ANKRD42: variants seen among roughly 807,000 people sequenced by gnomAD.
The protein encoded by ANKRD42 is ankyrin repeat domain-containing protein 42.
In ANKRD42, 43 loss-of-function variants were observed where a neutral mutation model predicts 51.5. The ratio of observed to expected loss-of-function variants is 0.83; its 90% CI spans 0.65 to 1.08. The LOEUF (loss-of-function observed/expected upper bound fraction) is 1.08. Among genes scored for constraint, ANKRD42 ranks in the 50% least tolerant of loss-of-function variants. The pLI is 0.00. For synonymous variants in ANKRD42, 203 were observed against 213.0 expected (o/e 0.95, Z 0.41); for missense variants, 608 against 629.3 (o/e 0.97, Z 0.36).
At chr11:83,213,205 G>A in intron 5 of ANKRD42, 1 of 1,600,282 alleles carries the variant, frequency 6.2e-7, no homozygotes, top group African/African-American at 1.3e-5. Flanking sequence ...AAAAAACAAA[G>A]CACATGCTGC....
At chr11:83,216,975 A>G (rs557800764) in intron 5 of ANKRD42, among the ~76,000 whole-genome samples, 5 of 142,024 alleles carry the variant, frequency 3.5e-5, no homozygotes, top group African/African-American at 5.1e-5. Flanking sequence ...GGTGTCCTCC[A>G]GAGGGGATCT....
intron 3 of ANKRD42, chr11:83,210,021 A>G: frequency 2.8e-6 from 1 of 357,352 alleles, no homozygotes; most frequent in South Asian, 4.2e-5. Flanking sequence ...TTGAGAATTT[A>G]TGTTTCAGTG....
intron 4 of ANKRD42, 59 bp downstream of exon 4, chr11:83,210,478 G>A: frequency 6.3e-7 from 1 of 1,579,492 alleles, no homozygotes; most frequent in Non-Finnish European, 8.6e-7. Context: ...ATAGCATTTG[G>A]TAGTCTAGTT....
At chr11:83,212,633 C>A (rs1254142352) in intron 5 of ANKRD42, 12 of 1,520,908 alleles carry the variant, frequency 7.9e-6, no homozygotes, top group Non-Finnish European at 8.8e-6. Context: ...CAGGCCTGAT[C>A]AAATCACTTT....
chr11:83,197,205 T>C (rs1407209728), intron 1 of ANKRD42, among the ~76,000 whole-genome samples: 1 of 152,246 alleles, frequency 6.6e-6, no homozygotes, highest in Admixed American at 6.5e-5. Flanking sequence ...ACTTGTTTTG[T>C]TTCTCCTTAA....
chr11:83,209,357 AG>A (rs1862212389), intron 3 of ANKRD42: 1 of 1,428,780 alleles, frequency 7.0e-7, no homozygotes, highest in South Asian at 1.2e-5. Context: ...AGTTGCTTGG[AG>A]GTTGGCAGCG....
intron 1 of ANKRD42, among the ~76,000 whole-genome samples, chr11:83,195,908 G>A (rs1231189784): frequency 1.3e-5 from 2 of 149,438 alleles, no homozygotes; most frequent in African/African-American, 5.0e-5. Context: ...GCAGTGGCGC[G>A]GTCCTCAGCT....
chr11:83,244,873 G>C (rs1389562262), intron 9 of ANKRD42, among the ~76,000 whole-genome samples: 2 of 151,886 alleles, frequency 1.3e-5, no homozygotes, highest in African/African-American at 4.8e-5. Flanking sequence ...ATTGCACGTG[G>C]TCCTGTAATC....
downstream of ANKRD42, chr11:83,260,541 G>C (rs1362147564): frequency 6.6e-6 from 1 of 152,142 alleles, no homozygotes; most frequent in Non-Finnish European, 1.5e-5. Flanking sequence ...TAGTTGGAAA[G>C]CCTGACTCTC....
intron 9 of ANKRD42, 142 bp downstream of exon 9, chr11:83,241,076 A>T: frequency 1.0e-6 from 1 of 970,234 alleles, no homozygotes; most frequent in Non-Finnish European, 1.5e-6. Context: ...TAGAACTAAT[A>T]TAAGTTTTTG....
chr11:83,246,501 C>A (rs775744420), intron 10 of ANKRD42, among the ~76,000 whole-genome samples: 158 of 152,226 alleles, frequency 1.0e-3, no homozygotes, highest in Non-Finnish European at 1.9e-3. Context: ...CTTCTTTCAT[C>A]CTACTGTCTC....
intron 7 of ANKRD42, among the ~76,000 whole-genome samples, chr11:83,235,101 G>T (rs1013549673): frequency 3.3e-5 from 5 of 152,206 alleles, no homozygotes; most frequent in African/African-American, 1.2e-4. Flanking sequence ...TGTACTGTGA[G>T]CCAGAATGAG....
chr11:83,194,560 G>T lies in ANKRD42; in HGVS notation c.-111G>T. ...CCTTGGGCCCCGTCCTAGTGACGAC[G>T]GAGAAGAGGGCCGCTGCCGCTGCAG... On this transcript the variant is annotated 5_prime_UTR_variant, in exon 1 of 11. Coordinates refer to ENST00000533342, the MANE Select transcript of ANKRD42 (RefSeq NM_001300975.2). 1 of 1,066,446 alleles carries T rather than the reference G, an allele frequency of 9.4e-7. No homozygotes were observed. Among genetic ancestry groups the T allele is most frequent in the South Asian group, 1.3e-5 (1 of 77,838 alleles). 66.1% of individuals were successfully genotyped at this position (1,066,446 alleles called of 1,614,324 possible). A position where few individuals can be genotyped will look rare whatever the true frequency, so the allele number is the denominator to read the frequency against.
chr11:83,224,925 G>A lies in ANKRD42; in HGVS notation c.657G>A (p.Thr219=), dbSNP rs145591736. The A allele has an allele frequency of 2.1e-5, 34 of 1,612,978 alleles. No homozygotes were observed. Among genetic ancestry groups the A allele is most frequent in the South Asian group, 1.2e-4 (11 of 90,934 alleles). Residue 219 remains threonine, a synonymous_variant, in exon 6 of 11, where the codon ACG becomes ACA. Coordinates refer to ENST00000533342, the MANE Select transcript of ANKRD42 (RefSeq NM_001300975.2). ...KFLVSRMSSA[T]QVLKAFNDNG... ...TAGTCAGTAGAATGAGCAGTGCGAC[G>A]CAAGTTTTAAAAGCTTTCAATGATA...
At chr11:83,263,287 A>G (rs1235628712), downstream of ANKRD42, among the ~76,000 whole-genome samples, 1 of 152,156 alleles carries the variant, frequency 6.6e-6, no homozygotes, top group Non-Finnish European at 1.5e-5. Flanking sequence ...AGTATACTCT[A>G]CTTCAGTAGA....
In ANKRD42 at chr11:83,248,296, TACACACACACACACACACACAC is replaced by T; in HGVS notation, c.*111_*132del. 1.4e-5 allele frequency: 18 copies of T among 1,299,846 alleles called. No homozygotes were observed. In the East Asian group the frequency reaches 4.2e-4, roughly 31 times the overall value. The allele number at this position is 1,299,846 out of a possible 1,614,324, so 80.5% of individuals were successfully genotyped here. ...AGAGCTGATGACAGGATTAAAGGAA[TACACACACACACACACACACAC>T]ACACACACACACACACACTCTATAT... On this transcript the variant is annotated 3_prime_UTR_variant, in exon 11 of 11. Transcript: ENST00000533342.
intron 3 of ANKRD42, chr11:83,209,818 A>G (rs1862235591): frequency 7.4e-6 from 4 of 541,738 alleles, no homozygotes; most frequent in Non-Finnish European, 1.3e-5. Context: ...CCACCACCAT[A>G]GCCCAGCCAG....
intron 5 of ANKRD42, among the ~76,000 whole-genome samples, chr11:83,221,708 A>T (rs1862722404): frequency 6.6e-6 from 1 of 152,186 alleles, no homozygotes; most frequent in Admixed American, 6.5e-5. Flanking sequence ...ATATTTCAGC[A>T]GTATGGGAAT....
rs1055356969 is a variant in ANKRD42 at position 83,237,612 on chromosome 11, C to T, written c.1019+1103C>T. Among the ~76,000 whole-genome samples, 9 of 152,222 alleles carry T rather than the reference C, an allele frequency of 5.9e-5. No individual in the cohort carries two copies. The South Asian group carries it at 1.0e-3, about 18-fold the overall frequency. ...CAACTTTTGTTTGTGAGCTCATGTT[C>T]CCTAAAATTTTGTTTATGGAATTTC... On this transcript the variant is annotated intron_variant, in intron 8 of 10. Transcript: ENST00000533342.
Sources: gnomAD v4.1 joint callset for allele counts (sites outside exome capture counted in the v4.1 genomes callset) on GRCh38, gnomAD v4.1.1 for gene constraint, MANE v1.5 for transcripts, NCBI Gene and HGNC (gene_info 2026-07-23, HGNC 2026-07-21) for gene names.